Variants in AGBL2 observed in about 807,000 individuals in gnomAD.
AGBL2 encodes cytosolic carboxypeptidase 2.
AGBL2 carries 87 observed loss-of-function variants against 103.0 expected under a neutral mutation model. The observed-to-expected ratio is 0.84, with a 90% CI of 0.71 to 1.01. AGBL2 has a LOEUF of 1.01. Among genes scored for constraint, AGBL2 ranks in the 50% least tolerant of loss-of-function variants. The probability of loss-of-function intolerance (pLI) is 0.00; values close to 1 mark genes in which losing one functional copy is unlikely to be tolerated. For missense variants in AGBL2, 904 were observed against 1,023.5 expected (o/e 0.88, Z 1.59); for synonymous variants, 335 against 356.7 (o/e 0.94, Z 0.69).
At chr11:47,710,309 T>C (rs1457981625) in intron 4 of AGBL2, 68 bp downstream of exon 4, 1 of 1,592,792 alleles carries the variant, frequency 6.3e-7, no homozygotes, top group East Asian at 2.2e-5. Context: ...GAGCAGATTC[T>C]TCTGAATACT....
At chr11:47,684,240 G>A (rs940807484) in intron 11 of AGBL2, among the ~76,000 whole-genome samples, 2 of 150,844 alleles carry the variant, frequency 1.3e-5, no homozygotes, top group Non-Finnish European at 3.0e-5. Flanking sequence ...GTTACTGCAC[G>A]ATCTGGGTGA....
In AGBL2 at chr11:47,705,641, C is replaced by CAAAAAA. The variant is rs71228117; in HGVS notation, c.287-13_287-8dup. On this transcript the variant is annotated splice_polypyrimidine_tract_variant and splice_region_variant and intron_variant, in intron 5 of 18. Transcript: ENST00000525123. ...CCCAGGCAAGAGTGAAAGTCTGTGT[C>CAAAAAA]AAAAAAAAAAAAAAAAGAAAAAGAA... The CAAAAAA allele has an allele frequency of 7.0e-5, 29 of 412,770 alleles. No homozygotes were observed. Among genetic ancestry groups the CAAAAAA allele is most frequent in the South Asian group, 3.1e-4 (10 of 32,072 alleles). The allele number at this position is 412,770 out of a possible 1,614,324, so 25.6% of individuals were successfully genotyped here.
intron 14 of AGBL2, among the ~76,000 whole-genome samples, chr11:47,672,316 G>A (rs1007120845): frequency 7.4e-6 from 1 of 134,448 alleles, no homozygotes; most frequent in African/African-American, 2.5e-5. Flanking sequence ...GATATGCAGA[G>A]CACACTTTTT....
intron 13 of AGBL2, among the ~76,000 whole-genome samples, chr11:47,678,479 G>A (rs1214367346): frequency 6.7e-6 from 1 of 150,194 alleles, no homozygotes; most frequent in Non-Finnish European, 1.5e-5. Context: ...GATTACAGGC[G>A]CTTGCCACCA....
intron 7 of AGBL2, among the ~76,000 whole-genome samples, chr11:47,701,790 T>TGGTGAAACCCCGTCTCTACCAAAAATATA (rs2097500096): frequency 6.6e-6 from 1 of 151,944 alleles, no homozygotes; most frequent in Non-Finnish European, 1.5e-5. Context: ...CTGGCCTACA[T>TGGTGAAACCCCGTCTCTACCAAAAATATA]GGTGAAACCC....
Position 47,667,708 on chromosome 11 carries a change from A to G in AGBL2, c.2215-12T>C. 1.2e-6 allele frequency: 2 copies of G among 1,608,184 alleles called. No individual in the cohort carries two copies. The highest frequency in any genetic ancestry group is 2.2e-5 in the East Asian group (1 of 44,852). On this transcript the variant is annotated splice_polypyrimidine_tract_variant and intron_variant, in intron 15 of 18. Coordinates refer to ENST00000525123, the MANE Select transcript of AGBL2 (RefSeq NM_024783.4). ...TTTTTCTGAGTCAGCTATTCCAGAA[A>G]GTAGAGAAACTGGTCATTGAAGATT...
At chr11:47,681,882 C>T in intron 12 of AGBL2, 87 bp downstream of exon 12, 1 of 1,500,748 alleles carries the variant, frequency 6.7e-7, no homozygotes, top group Non-Finnish European at 9.1e-7. Flanking sequence ...AGTTATCTCC[C>T]CAGCATTCAA....
chr11:47,711,625 C>A (rs2097536620), intron 3 of AGBL2, among the ~76,000 whole-genome samples: 1 of 152,208 alleles, frequency 6.6e-6, no homozygotes, highest in African/African-American at 2.4e-5. Context: ...CCTCTGCCTC[C>A]CGGGTTCAAG....
chr11:47,710,905 G>A, intron 3 of AGBL2: 1 of 307,772 alleles, frequency 3.2e-6, no homozygotes, highest in Non-Finnish European at 6.1e-6. Flanking sequence ...GCGAGATCCT[G>A]TCTCAAAAAA....
Position 47,660,119 on chromosome 11 carries a change from T to A in AGBL2, c.*54A>T, listed in dbSNP as rs2097324258. ...CATACATCTCCCCCATTATAAAATG[T>A]GTCTAATCTCAAAACCCCCGATGAA... On this transcript the variant is annotated 3_prime_UTR_variant, in exon 19 of 19. Transcript: ENST00000525123. 2 of 1,538,342 alleles carry A rather than the reference T, an allele frequency of 1.3e-6. No individual in the cohort carries two copies. Among genetic ancestry groups the A allele is most frequent in the Admixed American group, 3.9e-5 (2 of 51,230 alleles).
chr11:47,672,417 T>C (rs2097360417), intron 14 of AGBL2, among the ~76,000 whole-genome samples: 1 of 152,040 alleles, frequency 6.6e-6, no homozygotes, highest in Non-Finnish European at 1.5e-5. Context: ...TGGATTCAAA[T>C]GATCCTCTCA....
chr11:47,704,931 C>T (rs574268143), intron 6 of AGBL2, among the ~76,000 whole-genome samples: 1 of 152,220 alleles, frequency 6.6e-6, no homozygotes, highest in Admixed American at 6.5e-5. Context: ...TCTGCACAGT[C>T]TATTAAATGT....
intron 14 of AGBL2, among the ~76,000 whole-genome samples, chr11:47,674,682 C>T (rs1278067665): frequency 6.6e-6 from 1 of 151,810 alleles, no homozygotes; most frequent in Non-Finnish European, 1.5e-5. Flanking sequence ...CGGGGAGATA[C>T]TGAAGTGCTT....
In AGBL2 at chr11:47,696,010, C is replaced by CAAAAAAAAAAAAAAA. The variant is rs1171058500; in HGVS notation, c.694+3421_694+3435dup. 2.3e-3 allele frequency among the ~76,000 whole-genome samples: 40 copies of CAAAAAAAAAAAAAAA among 17,204 alleles called. 1 individual carries two copies. The highest frequency in any genetic ancestry group is 4.0e-3 in the East Asian group (2 of 500). The allele number at this position is 17,204 out of a possible 152,430, so 11.3% of individuals were successfully genotyped here. On this transcript the variant is annotated intron_variant, in intron 8 of 18. Transcript: ENST00000525123. ...TGAAACTCCGTCTGTACTAAAAATA[C>CAAAAAAAAAAAAAAA]AAAAAAAAAAAAAAAAAAAAAAAAA...
Position 47,667,722 on chromosome 11 carries a change from T to A in AGBL2, c.2215-26A>T, listed in dbSNP as rs570874643. The A allele has an allele frequency of 2.3e-4, 365 of 1,603,884 alleles. 3 individuals are homozygous for A. In the South Asian group the frequency reaches 3.7e-3, roughly 16 times the overall value. ...CTATTCCAGAAAGTAGAGAAACTGGTCATTGAAGATTCCAGAACTAGGCCC... is the reference window on the plus strand; with the variant it reads ...CTATTCCAGAAAGTAGAGAAACTGGACATTGAAGATTCCAGAACTAGGCCC... On this transcript the variant is annotated intron_variant, in intron 15 of 18. Coordinates refer to ENST00000525123, the MANE Select transcript of AGBL2 (RefSeq NM_024783.4).
chr11:47,689,102 T>G (rs1051633986), intron 10 of AGBL2, among the ~76,000 whole-genome samples: 2 of 152,106 alleles, frequency 1.3e-5, no homozygotes, highest in Non-Finnish European at 2.9e-5. Flanking sequence ...TGGGTGCTAT[T>G]ACATTATAGC....
At chr11:47,703,141 T>C (rs78116649) in intron 7 of AGBL2, among the ~76,000 whole-genome samples, 1 of 152,074 alleles carries the variant, frequency 6.6e-6, no homozygotes, top group African/African-American at 2.4e-5. Context: ...ATTAATTTTA[T>C]ATTTAATTAA....
intron 3 of AGBL2, 156 bp from the exon 4 acceptor site, chr11:47,710,667 A>G (rs1303164034): frequency 1.3e-5 from 11 of 861,338 alleles, no homozygotes; most frequent in Admixed American, 1.0e-4. Context: ...TCATATTCCA[A>G]CTTATGTGAG....
chr11:47,669,761 G>A (rs1005948266), intron 14 of AGBL2, among the ~76,000 whole-genome samples: 1 of 151,878 alleles, frequency 6.6e-6, no homozygotes, highest in Non-Finnish European at 1.5e-5. Context: ...ACAGGTGCCC[G>A]CCACCATGCC....
Sources: allele counts gnomAD v4.1 joint callset (sites outside exome capture counted in the v4.1 genomes callset), GRCh38; gene constraint gnomAD v4.1.1; transcripts MANE v1.5; gene names NCBI Gene and HGNC (gene_info 2026-07-23, HGNC 2026-07-21).